INO80C: variants seen among roughly 807,000 people sequenced by gnomAD.
INO80C encodes the protein INO80 complex subunit C.
In INO80C, 17 loss-of-function variants were observed where a neutral mutation model predicts 17.7. That is an observed-to-expected ratio of 0.96 (90% CI 0.66 to 1.44). The LOEUF (loss-of-function observed/expected upper bound fraction) is 1.44. INO80C is among the 40% of genes most tolerant of loss of function. INO80C has a pLI of 0.00. For missense variants in INO80C, 244 were observed against 245.0 expected (o/e 1.00, Z 0.03); for synonymous variants, 96 against 95.8 (o/e 1.00, Z -0.01).
intron 4 of INO80C, 58 bp from the exon 5 acceptor site, chr18:35,468,800 A>T: frequency 6.6e-7 from 1 of 1,524,068 alleles, no homozygotes; most frequent in Non-Finnish European, 9.0e-7. Context: ...GGATATTTTA[A>T]GTTCAAGTTT....
chr18:35,472,723 A>G (rs1300200780), intron 4 of INO80C, among the ~76,000 whole-genome samples: 1 of 152,214 alleles, frequency 6.6e-6, no homozygotes, highest in Non-Finnish European at 1.5e-5. Context: ...CAAAACAACA[A>G]TGTATGAAGA....
chr18:35,481,077 C>A (rs1439670340), intron 1 of INO80C, among the ~76,000 whole-genome samples: 3 of 152,092 alleles, frequency 2.0e-5, no homozygotes, highest in African/African-American at 7.2e-5. Context: ...AGGTCCAGCC[C>A]CTTTAAGGGT....
intron 1 of INO80C, chr18:35,483,432 A>G (rs936402373): frequency 6.6e-6 from 1 of 152,232 alleles, no homozygotes; most frequent in Non-Finnish European, 1.5e-5. Context: ...ACACAACAGC[A>G]GCTTTATGAT....
chr18:35,479,715 C>A (rs1214769005), intron 2 of INO80C, among the ~76,000 whole-genome samples: 1 of 151,752 alleles, frequency 6.6e-6, no homozygotes, highest in East Asian at 1.9e-4. Flanking sequence ...TTGTAGAATT[C>A]ATTCATGAAT....
intron 4 of INO80C, among the ~76,000 whole-genome samples, chr18:35,474,354 T>C (rs2045709430): frequency 6.6e-6 from 1 of 151,054 alleles, no homozygotes; most frequent in Non-Finnish European, 1.5e-5. Context: ...CTATAATTAA[T>C]ATCTTGAAGG....
At chr18:35,474,868 A>C (rs530057913) in intron 4 of INO80C, among the ~76,000 whole-genome samples, 27 of 152,344 alleles carry the variant, frequency 1.8e-4, no homozygotes, top group African/African-American at 6.5e-4. Flanking sequence ...GATACCATCC[A>C]AACTGAACCG....
intron 4 of INO80C, among the ~76,000 whole-genome samples, chr18:35,475,851 T>G (rs2045729497): frequency 6.6e-6 from 1 of 152,166 alleles, no homozygotes. Context: ...GGAAACAGAA[T>G]GAAATGAAGA....
At position 35,479,247 on chromosome 18, in the gene INO80C, G is replaced by A. The variant is rs1424184892; in HGVS notation, c.379+53C>T. 5.4e-6 allele frequency: 6 copies of A among 1,113,636 alleles called. No individual in the cohort carries two copies. The Admixed American group carries it at 5.5e-5, about 10-fold the overall frequency. 69.0% of individuals were successfully genotyped at this position (1,113,636 alleles called of 1,614,324 possible). A position where few individuals can be genotyped will look rare whatever the true frequency, so the allele number is the denominator to read the frequency against. On this transcript the variant is annotated intron_variant, in intron 3 of 4. Transcript: ENST00000334598. ...AATACAATAATGTAGGTTGTTATAAGACAGTTCCTACTCTGAACATTACAA... is the reference window on the plus strand; with the variant it reads ...AATACAATAATGTAGGTTGTTATAAAACAGTTCCTACTCTGAACATTACAA...
chr18:35,495,277 T>C (rs1364953527), intron 1 of INO80C, among the ~76,000 whole-genome samples: 1 of 152,128 alleles, frequency 6.6e-6, no homozygotes, highest in Non-Finnish European at 1.5e-5. Flanking sequence ...AAAAATACAA[T>C]GGTGGCATGC....
At chr18:35,488,472 G>A (rs1208345384) in intron 1 of INO80C, among the ~76,000 whole-genome samples, 7 of 137,252 alleles carry the variant, frequency 5.1e-5, no homozygotes, top group East Asian at 2.3e-4. Context: ...CTCTGCAGCC[G>A]TGGCCCAAGC....
intron 1 of INO80C, chr18:35,483,410 A>C (rs966149112): frequency 6.6e-6 from 1 of 152,210 alleles, no homozygotes; most frequent in Non-Finnish European, 1.5e-5. Context: ...TATATGATTG[A>C]TAGTTTAGAC....
chr18:35,474,479 G>T (rs1337131655), intron 4 of INO80C, among the ~76,000 whole-genome samples: 3 of 151,464 alleles, frequency 2.0e-5, no homozygotes, highest in African/African-American at 7.3e-5. Context: ...CTTGAGGCCG[G>T]GAGTTCAGGA....
chr18:35,480,618 C>T, intron 1 of INO80C, 55 bp from the exon 2 acceptor site: 4 of 1,277,468 alleles, frequency 3.1e-6, no homozygotes, highest in Non-Finnish European at 1.1e-6. Flanking sequence ...GCTGAGTTCC[C>T]CACCTCTGCT....
In INO80C at chr18:35,468,465, C is replaced by T. The variant is rs2045628876; in HGVS notation, c.*146G>A. 39 of 1,459,568 alleles carry T rather than the reference C, an allele frequency of 2.7e-5. 1 individual carries two copies. In the South Asian group the frequency reaches 5.6e-4, roughly 21 times the overall value. The allele number at this position is 1,459,568 out of a possible 1,614,324, so 90.4% of individuals were successfully genotyped here. Reference sequence around the variant, plus strand: ...ACACACACTAAAAAAAAAAAAAACCCTTAAATTAAAGCCAAACATTCTTTC... The same window carrying T: ...ACACACACTAAAAAAAAAAAAAACCTTTAAATTAAAGCCAAACATTCTTTC... On this transcript the variant is annotated 3_prime_UTR_variant, in exon 5 of 5. Coordinates refer to ENST00000334598, the MANE Select transcript of INO80C (RefSeq NM_194281.4).
chr18:35,479,409 G>A lies in INO80C; in HGVS notation c.270C>T (p.His90=). 1 of 1,609,366 alleles carries A rather than the reference G, an allele frequency of 6.2e-7. No individual in the cohort carries two copies. The highest frequency in any genetic ancestry group is 8.5e-7 in the Non-Finnish European group (1 of 1,175,736). The stretch of plus-strand genomic sequence containing the variant: ...CAGCTACTGCGCCACCGTGGCCAGA[G>A]TGCTTGAATTGAAGGCATGGATTAG... The part of the protein sequence containing the change: ...PLPFKDPNFV[H]SGHGGAVAGK... Residue 90 remains histidine, a splice_region_variant and synonymous_variant, in exon 3 of 5, where the codon CAC becomes CAT. Coordinates refer to ENST00000334598, the MANE Select transcript of INO80C (RefSeq NM_194281.4).
intron 1 of INO80C, among the ~76,000 whole-genome samples, chr18:35,490,782 G>T (rs147346252): frequency 0.017 from 2,592 of 151,832 alleles, 39 homozygotes; most frequent in Middle Eastern, 0.034. Context: ...TTGAGATAGG[G>T]TCTCGCTCTG....
At position 35,478,412 on chromosome 18, in the gene INO80C, T is replaced by TAG. The variant is rs2045764251; in HGVS notation, c.380-64_380-63insCT. 2.4e-6 allele frequency: 3 copies of TAG among 1,275,626 alleles called. No individual in the cohort carries two copies. In the African/African-American group the frequency reaches 4.6e-5, roughly 20 times the overall value. 79.0% of individuals were successfully genotyped at this position (1,275,626 alleles called of 1,614,324 possible). ...TGAAAACATTCAAATCCCTTCTCTT[T>TAG]TTTTTTCTAAAATAGTATTTGATAA... On this transcript the variant is annotated intron_variant, in intron 3 of 4. Coordinates refer to ENST00000334598, the MANE Select transcript of INO80C (RefSeq NM_194281.4).
At chr18:35,485,411 AAAG>A (rs1195208688) in intron 1 of INO80C, among the ~76,000 whole-genome samples, 1 of 152,222 alleles carries the variant, frequency 6.6e-6, no homozygotes, top group East Asian at 1.9e-4. Flanking sequence ...GAATTTCTTC[AAAG>A]AAGATATACA....
At chr18:35,495,001 A>T (rs149444456) in intron 1 of INO80C, among the ~76,000 whole-genome samples, 1 of 152,366 alleles carries the variant, frequency 6.6e-6, no homozygotes, top group East Asian at 1.9e-4. Context: ...CAGAACAGAA[A>T]GGTTGGGCAA....
Sources: allele counts gnomAD v4.1 joint callset (sites outside exome capture counted in the v4.1 genomes callset), GRCh38; gene constraint gnomAD v4.1.1; transcripts MANE v1.5; gene names NCBI Gene and HGNC (gene_info 2026-07-23, HGNC 2026-07-21).